Variants in BICD2 observed in about 807,000 individuals in gnomAD.
BICD2 encodes the protein protein bicaudal D homolog 2.
BICD2 carries 25 observed loss-of-function variants against 72.9 expected under a neutral mutation model. The ratio of observed to expected loss-of-function variants is 0.34; its 90% CI spans 0.25 to 0.48. The LOEUF is 0.48. Ranked by LOEUF, BICD2 falls within the 20% of genes least tolerant of loss-of-function variation. The pLI is 0.99. For synonymous variants in BICD2, 501 were observed against 516.1 expected (o/e 0.97, Z 0.40); for missense variants, 894 against 1,175.2 (o/e 0.76, Z 3.50).
chr9:92,744,928 T>C (rs1264266148), intron 1 of BICD2, among the ~76,000 whole-genome samples: 1 of 152,232 alleles, frequency 6.6e-6, no homozygotes, highest in Non-Finnish European at 1.5e-5. Flanking sequence ...CACATGCACT[T>C]AAAATCTATA....
At chr9:92,732,453 A>AC (rs1853696961) in intron 1 of BICD2, among the ~76,000 whole-genome samples, 2 of 152,274 alleles carry the variant, frequency 1.3e-5, no homozygotes, top group Non-Finnish European at 2.9e-5. Context: ...GATGAAAATT[A>AC]TAAACCCACA....
chr9:92,750,553 A>T (rs1169972280), intron 1 of BICD2, among the ~76,000 whole-genome samples: 1 of 152,218 alleles, frequency 6.6e-6, no homozygotes, highest in African/African-American at 2.4e-5. Context: ...TACATACTGT[A>T]TGATTCCAAT....
chr9:92,762,372 A>G (rs1336322663), intron 1 of BICD2, among the ~76,000 whole-genome samples: 1 of 152,176 alleles, frequency 6.6e-6, no homozygotes, highest in Non-Finnish European at 1.5e-5. Flanking sequence ...ACTTTCTGGC[A>G]ACATCTACTG....
chr9:92,722,494 AC>A (rs1299629244), intron 3 of BICD2, among the ~76,000 whole-genome samples, 161 bp downstream of exon 3: 2 of 152,152 alleles, frequency 1.3e-5, no homozygotes, highest in Non-Finnish European at 2.9e-5. Context: ...TCTGGGTCCC[AC>A]CAAGTATACC....
Position 92,715,246 on chromosome 9 carries a change from G to A in BICD2, c.2476C>T (p.His826Tyr), listed in dbSNP as rs1377531348. ...CTGTCGCTGGCACAGGCACAGGTGT[G>A]ACTTACGCTCGGTGTGGCTGGCTTG... ...KTKPATPSVS[H>Y]TCACASDRAE... Residue 826 changes from histidine (H) to tyrosine (Y), a missense_variant, in exon 7 of 7, where the codon CAC becomes TAC. Around this residue, in one of 5 missense-constraint regions of BICD2, gnomAD observed 321 missense variants for 443.9 expected, o/e 0.72. Transcript: ENST00000356884. The A allele has an allele frequency of 6.2e-7, 1 of 1,613,186 alleles. No homozygotes were observed. The highest frequency in any genetic ancestry group is 8.5e-7 in the Non-Finnish European group (1 of 1,179,946).
At chr9:92,727,066 C>T (rs572858494) in intron 2 of BICD2, among the ~76,000 whole-genome samples, 4 of 152,276 alleles carry the variant, frequency 2.6e-5, no homozygotes, top group Admixed American at 2.6e-4. Flanking sequence ...CTCCCACCGA[C>T]CAGAGGGCTC....
rs766894803 is a variant in BICD2, at chr9:92,715,450, T to C, written c.2272A>G (p.Ile758Val). Reference protein sequence around the residue: ...AMFATRCDEYITQLDEMQRQL... With the variant: ...AMFATRCDEYVTQLDEMQRQL... ...CGCTGCATCTCATCCAGCTGTGTAA[T>C]GTACTCGTCACACCTGTGGGTACCA... is the stretch of plus-strand genomic sequence containing the variant. The change falls in exon 7 of 7, where the codon ATT becomes GTT. Residue 758 changes from isoleucine to valine, a missense_variant. Ile to Val is a conservative substitution (Grantham distance 29). Transcript: ENST00000356884. 2.6e-5 allele frequency: 41 copies of C among 1,591,580 alleles called. No individual in the cohort carries two copies. Among genetic ancestry groups the C allele is most frequent in the South Asian group, 3.4e-5 (3 of 89,362 alleles).
chr9:92,718,093 C>G, intron 5 of BICD2, 145 bp from the exon 6 acceptor site: 2 of 1,023,980 alleles, frequency 2.0e-6, no homozygotes, highest in Admixed American at 4.7e-5. Flanking sequence ...TGTGACAAAC[C>G]CTGGGGATGG....
intron 1 of BICD2, among the ~76,000 whole-genome samples, chr9:92,760,036 C>T (rs978707669): frequency 6.6e-6 from 1 of 152,190 alleles, no homozygotes; most frequent in Non-Finnish European, 1.5e-5. Flanking sequence ...GCCAAGGTAA[C>T]AGGCATCATC....
Position 92,714,107 on chromosome 9 carries a change from TAA to T in BICD2, c.*1045_*1046del. ...TTGCCATCCCCCAGATTGCACTAAA[TAA>T]AGAGACCTAAACATCTCCTACCTGT... On this transcript the variant is annotated 3_prime_UTR_variant, in exon 7 of 7. Coordinates refer to ENST00000356884, the MANE Select transcript of BICD2 (RefSeq NM_001003800.2). The T allele has an allele frequency of 1.0e-6, 1 of 985,784 alleles. No homozygotes were observed. Among genetic ancestry groups the T allele is most frequent in the Non-Finnish European group, 1.2e-6 (1 of 830,198 alleles). The allele number at this position is 985,784 out of a possible 1,614,324, so 61.1% of individuals were successfully genotyped here.
rs1301268313 is a variant in BICD2, at chr9:92,717,869, A to C, written c.2186T>G (p.Leu729Arg). The change falls in exon 6 of 7, where the codon CTG (leucine) becomes CGG (arginine). Residue 729 changes from leucine to arginine, a missense_variant. Physicochemically the swap from Leu to Arg is moderately radical, Grantham distance 102. Transcript: ENST00000356884. ...CTTGAGGGCCTTGAGCTCATTGCGC[A>C]GCTTCATCATGGTCTCGGTAACCAT... ...KAMVTETMMK[L>R]RNELKALKED... 1.2e-6 allele frequency: 2 copies of C among 1,613,202 alleles called. No individual in the cohort carries two copies. Among genetic ancestry groups the C allele is most frequent in the Non-Finnish European group, 1.7e-6 (2 of 1,180,002 alleles).
intron 1 of BICD2, among the ~76,000 whole-genome samples, chr9:92,758,804 A>T (rs12684587): frequency 6.6e-6 from 1 of 151,706 alleles, no homozygotes; most frequent in African/African-American, 2.4e-5. Context: ...TGGTGAGCCA[A>T]GATCGCGCCA....
intron 1 of BICD2, among the ~76,000 whole-genome samples, chr9:92,754,552 C>T (rs1344820581): frequency 2.6e-5 from 4 of 152,182 alleles, no homozygotes; most frequent in South Asian, 4.1e-4. Context: ...GGAAGTGCAA[C>T]TTAAACCACA....
chr9:92,719,146 G>A lies in BICD2; in HGVS notation c.1499C>T (p.Ala500Val). The A allele has an allele frequency of 1.9e-6, 3 of 1,611,950 alleles. No homozygotes were observed. The highest frequency in any genetic ancestry group is 2.5e-6 in the Non-Finnish European group (3 of 1,179,990). The change falls in exon 5 of 7, where the codon GCC (alanine) becomes GTC (valine). Residue 500 changes from alanine to valine, a missense_variant. Coordinates refer to ENST00000356884, the MANE Select transcript of BICD2 (RefSeq NM_001003800.2). ...KASRQDRELL[A>V]RLEKELKKVS... ...CTTCTTTAGCTCCTTCTCCAGCCGG[G>A]CCAGCAGCTCGCGGTCCTGGCGGCT... is the stretch of plus-strand genomic sequence containing the variant.
rs1404238241 is a variant in BICD2, at chr9:92,719,183, G to A, written c.1462C>T (p.Leu488=). 3.7e-6 allele frequency: 6 copies of A among 1,610,730 alleles called. No individual in the cohort carries two copies. The highest frequency in any genetic ancestry group is 2.2e-5 in the East Asian group (1 of 44,872). The change falls in exon 5 of 7, where the codon CTA becomes TTA. Residue 488 remains leucine (L), a synonymous_variant. Coordinates refer to ENST00000356884, the MANE Select transcript of BICD2 (RefSeq NM_001003800.2). ...GQALTEKVSL[L]EKASRQDREL... ...CGGTCCTGGCGGCTGGCCTTCTCTAGCAGGGAGACCTTCTCCGTGAGTGCC... is the reference window on the plus strand; with the variant it reads ...CGGTCCTGGCGGCTGGCCTTCTCTAACAGGGAGACCTTCTCCGTGAGTGCC...
At chr9:92,758,849 C>T (rs535181666) in intron 1 of BICD2, among the ~76,000 whole-genome samples, 3 of 149,252 alleles carry the variant, frequency 2.0e-5, no homozygotes, top group Non-Finnish European at 3.0e-5. Context: ...AGCGAAACTC[C>T]GTCTCAAAAA....
At chr9:92,739,608 T>G (rs1420416387) in intron 1 of BICD2, among the ~76,000 whole-genome samples, 9 of 152,084 alleles carry the variant, frequency 5.9e-5, no homozygotes, top group Non-Finnish European at 8.8e-5. Context: ...TTTTACTCCT[T>G]GAGAGGGGTA....
intron 1 of BICD2, among the ~76,000 whole-genome samples, chr9:92,735,697 C>T (rs964942397): frequency 3.3e-5 from 5 of 152,114 alleles, no homozygotes; most frequent in Admixed American, 2.0e-4. Context: ...AGCACCTGAC[C>T]TCTGCGAGTG....
At chr9:92,726,415 T>C (rs1250083692) in intron 2 of BICD2, among the ~76,000 whole-genome samples, 2 of 152,130 alleles carry the variant, frequency 1.3e-5, no homozygotes, top group East Asian at 3.9e-4. Flanking sequence ...AAGGCTGTTT[T>C]ATCGTCAAAT....
Sources: allele counts gnomAD v4.1 joint callset (sites outside exome capture counted in the v4.1 genomes callset), GRCh38; gene constraint gnomAD v4.1.1; regional missense constraint gnomAD v4.1.1; transcripts MANE v1.5; gene names NCBI Gene and HGNC (gene_info 2026-07-23, HGNC 2026-07-21).